CTIF: variants seen among roughly 807,000 people sequenced by gnomAD.
The protein encoded by CTIF is cap binding complex dependent translation initiation factor.
A neutral mutation model predicts 66.0 loss-of-function variants in CTIF; 21 were observed. The ratio of observed to expected loss-of-function variants is 0.32; its 90% confidence interval spans 0.23 to 0.46. The LOEUF (loss-of-function observed/expected upper bound fraction) is 0.46, where lower values mean the gene tolerates loss of function less well. CTIF is among the 20% of genes least tolerant of loss of function. The pLI is 1.00. For missense variants in CTIF, 739 were observed against 812.7 expected (o/e 0.91, Z 1.10); for synonymous variants, 345 against 326.4 (o/e 1.06, Z -0.62).
chr18:48,618,358 CTG>C (rs2090434395), intron 1 of CTIF, among the ~76,000 whole-genome samples: 1 of 152,206 alleles, frequency 6.6e-6, no homozygotes, highest in Non-Finnish European at 1.5e-5. Flanking sequence ...CATGTCTTCT[CTG>C]TGCTTTCTTG....
At chr18:48,703,043 T>C (rs1162974354) in intron 6 of CTIF, among the ~76,000 whole-genome samples, 14 of 152,180 alleles carry the variant, frequency 9.2e-5, no homozygotes, top group Admixed American at 4.6e-4. Flanking sequence ...TCCTTTGTAT[T>C]GTTCACCCCT....
intron 10 of CTIF, among the ~76,000 whole-genome samples, chr18:48,853,378 G>A (rs763392979): frequency 3.3e-5 from 5 of 152,122 alleles, no homozygotes; most frequent in African/African-American, 4.8e-5. Flanking sequence ...GTGGATCTGC[G>A]GTGGCCAAGA....
At chr18:48,854,010 C>CTTCT (rs1415305748) in intron 10 of CTIF, among the ~76,000 whole-genome samples, 1 of 152,216 alleles carries the variant, frequency 6.6e-6, no homozygotes, top group African/African-American at 2.4e-5. Flanking sequence ...CTCTTCTCAC[C>CTTCT]TTCTACCCTT....
chr18:48,664,841 G>A (rs184113614), intron 5 of CTIF, among the ~76,000 whole-genome samples: 41 of 152,118 alleles, frequency 2.7e-4, no homozygotes, highest in African/African-American at 9.6e-4. Flanking sequence ...CTGGGCGGTG[G>A]CACAGAGGAC....
intron 1 of CTIF, among the ~76,000 whole-genome samples, chr18:48,577,005 C>CG (rs1347882636): frequency 6.6e-6 from 1 of 152,204 alleles, no homozygotes; most frequent in Non-Finnish European, 1.5e-5. Context: ...GGATGATCTG[C>CG]GGGGACAGGG....
At chr18:48,816,952 G>C (rs796938701) in intron 9 of CTIF, among the ~76,000 whole-genome samples, 15 of 152,326 alleles carry the variant, frequency 9.8e-5, no homozygotes, top group African/African-American at 3.6e-4. Flanking sequence ...GTCAGTGAAG[G>C]AGGATGACCA....
chr18:48,814,210 C>G (rs1335006093), intron 9 of CTIF, among the ~76,000 whole-genome samples: 1 of 152,166 alleles, frequency 6.6e-6, no homozygotes, highest in Non-Finnish European at 1.5e-5. Flanking sequence ...AAATGACAAG[C>G]TGGGGGTTGA....
intron 9 of CTIF, among the ~76,000 whole-genome samples, chr18:48,788,629 G>A (rs2067728670): frequency 6.6e-6 from 1 of 152,122 alleles, no homozygotes; most frequent in South Asian, 2.1e-4. Flanking sequence ...GGGGAGCAGT[G>A]GGAACAGCCA....
At chr18:48,594,416 G>C (rs982832159) in intron 1 of CTIF, among the ~76,000 whole-genome samples, 1 of 145,576 alleles carries the variant, frequency 6.9e-6, no homozygotes, top group African/African-American at 2.5e-5. Flanking sequence ...ATGGATCTGT[G>C]CTCCTGACTG....
chr18:48,695,399 C>T (rs958299908), intron 6 of CTIF, among the ~76,000 whole-genome samples: 1 of 152,160 alleles, frequency 6.6e-6, no homozygotes, highest in African/African-American at 2.4e-5. Flanking sequence ...AGGGAACCCA[C>T]GCACACACTT....
chr18:48,708,142 C>T (rs188085623), intron 6 of CTIF, among the ~76,000 whole-genome samples: 1 of 152,262 alleles, frequency 6.6e-6, no homozygotes, highest in East Asian at 1.9e-4. Flanking sequence ...AGGTTGTTGC[C>T]ATGTTTTGGC....
At chr18:48,751,261 C>G (rs1907783421) in intron 7 of CTIF, among the ~76,000 whole-genome samples, 1 of 152,154 alleles carries the variant, frequency 6.6e-6, no homozygotes, top group Admixed American at 6.5e-5. Context: ...AGCTTTTGAA[C>G]CAGGGGCCCA....
At chr18:48,823,317 C>G (rs2068520488) in intron 10 of CTIF, among the ~76,000 whole-genome samples, 1 of 151,296 alleles carries the variant, frequency 6.6e-6, no homozygotes, top group South Asian at 2.1e-4. Context: ...TTTAAGTCTT[C>G]AATCCATTTT....
intron 1 of CTIF, among the ~76,000 whole-genome samples, chr18:48,574,194 C>G (rs2089481308): frequency 6.6e-6 from 1 of 152,250 alleles, no homozygotes; most frequent in Admixed American, 6.5e-5. Context: ...CTCTTCAGTT[C>G]AGACAGATGC....
chr18:48,737,163 C>T (rs563689732), intron 7 of CTIF, among the ~76,000 whole-genome samples: 3 of 152,146 alleles, frequency 2.0e-5, no homozygotes, highest in South Asian at 2.1e-4. Flanking sequence ...GTGGCTTGGC[C>T]GGGAGTGGGT....
At chr18:48,708,749 T>C (rs2092190225) in intron 6 of CTIF, among the ~76,000 whole-genome samples, 2 of 152,184 alleles carry the variant, frequency 1.3e-5, no homozygotes, top group Non-Finnish European at 2.9e-5. Flanking sequence ...CAGCATAAAA[T>C]AGAGCTTCTC....
intron 6 of CTIF, among the ~76,000 whole-genome samples, chr18:48,671,585 C>G (rs900258646): frequency 6.6e-6 from 1 of 152,144 alleles, no homozygotes; most frequent in Non-Finnish European, 1.5e-5. Context: ...CAGTTAAGAC[C>G]TCATCTATTT....
At chr18:48,771,214 T>C (rs1223028541) in intron 9 of CTIF, among the ~76,000 whole-genome samples, 1 of 152,228 alleles carries the variant, frequency 6.6e-6, no homozygotes, top group Admixed American at 6.5e-5. Flanking sequence ...TGAAGTCTTC[T>C]GGGCTCCCCT....
In CTIF at chr18:48,554,875, C is replaced by T. The variant is rs73956911; in HGVS notation, c.-29+15563C>T. Among the ~76,000 whole-genome samples the T allele has an allele frequency of 7.5e-3, 1,144 of 152,350 alleles. 14 individuals carry two copies. The highest frequency in any genetic ancestry group is 0.026 in the African/African-American group (1,092 of 41,578). Reference sequence around the variant, plus strand: ...CAGCCCAGGCCATTACTTGGCAGCCCGGGCCTAAAGACATTATCTTAGACC... The same window carrying T: ...CAGCCCAGGCCATTACTTGGCAGCCTGGGCCTAAAGACATTATCTTAGACC... On this transcript the variant is annotated intron_variant, in intron 1 of 11. Transcript: ENST00000256413.
Sources: allele counts gnomAD v4.1 joint callset (sites outside exome capture counted in the v4.1 genomes callset), GRCh38; gene constraint gnomAD v4.1.1; transcripts MANE v1.5; gene names NCBI Gene and HGNC (gene_info 2026-07-23, HGNC 2026-07-21).